The following ARHGEF3 variants were observed in gnomAD, a reference collection of about 807,000 sequenced individuals.
ARHGEF3 encodes the protein 59.8 kDA protein.
Under a neutral mutation model 63.2 loss-of-function variants are expected in ARHGEF3, and 28 were observed. The observed-to-expected ratio is 0.44, with a 90% CI of 0.33 to 0.61. ARHGEF3 has a LOEUF of 0.61. Among genes scored for constraint, ARHGEF3 ranks in the 20% least tolerant of loss-of-function variants. The pLI, the probability that ARHGEF3 is intolerant of heterozygous loss-of-function variation, is 0.03. For missense variants in ARHGEF3, 533 were observed against 659.3 expected (o/e 0.81, Z 2.10); for synonymous variants, 266 against 254.2 (o/e 1.05, Z -0.44).
chr3:56,931,341 C>T (rs1252870305), intron 3 of ARHGEF3, among the ~76,000 whole-genome samples: 1 of 151,868 alleles, frequency 6.6e-6, no homozygotes, highest in East Asian at 1.9e-4. Context: ...TTTGGGAGGC[C>T]GAGACAGGCA....
At chr3:56,933,310 A>G (rs2042460493) in intron 3 of ARHGEF3, among the ~76,000 whole-genome samples, 1 of 152,148 alleles carries the variant, frequency 6.6e-6, no homozygotes, top group Admixed American at 6.5e-5. Context: ...GCACATTTAC[A>G]CAAAGAGCAA....
chr3:57,063,107 C>T (rs151307784), intron 1 of ARHGEF3, among the ~76,000 whole-genome samples: 130 of 152,294 alleles, frequency 8.5e-4, no homozygotes, highest in African/African-American at 3.0e-3. Flanking sequence ...AGGGACCAAG[C>T]TCTGCAGATA....
intron 3 of ARHGEF3, among the ~76,000 whole-genome samples, chr3:56,955,679 T>G (rs1700014225): frequency 6.6e-6 from 1 of 152,236 alleles, no homozygotes; most frequent in Non-Finnish European, 1.5e-5. Flanking sequence ...TAGAACAGCA[T>G]GCACATCCTG....
rs2036141144 is a variant in ARHGEF3 at position 56,773,827 on chromosome 3, A to T, written c.97-11T>A. ...TTTATTACTAGGCTCCTATAGAGTT[A>T]AAAAAAAAAAAAAGTAAAATGTCAA... On this transcript the variant is annotated splice_polypyrimidine_tract_variant and intron_variant, in intron 1 of 9. Transcript: ENST00000296315. 2.7e-5 allele frequency: 7 copies of T among 263,962 alleles called. No individual in the cohort carries two copies. Among genetic ancestry groups the T allele is most frequent in the South Asian group, 1.1e-4 (1 of 9,262 alleles). 16.4% of individuals were successfully genotyped at this position (263,962 alleles called of 1,614,324 possible).
intron 4 of ARHGEF3, among the ~76,000 whole-genome samples, chr3:56,867,125 A>G (rs1447824220): frequency 6.6e-6 from 1 of 152,200 alleles, no homozygotes; most frequent in Non-Finnish European, 1.5e-5. Flanking sequence ...GGGAAGGCAA[A>G]TATGTATGTA....
intron 1 of ARHGEF3, among the ~76,000 whole-genome samples, chr3:57,038,291 G>C (rs79339616): frequency 1.1e-3 from 167 of 152,286 alleles, no homozygotes; most frequent in African/African-American, 3.9e-3. Context: ...ATCGGGTAAG[G>C]AATAGTGTCT....
chr3:56,793,822 T>C (rs1441019641), intron 1 of ARHGEF3, among the ~76,000 whole-genome samples: 1 of 152,236 alleles, frequency 6.6e-6, no homozygotes, highest in African/African-American at 2.4e-5. Flanking sequence ...ATGACAAAGA[T>C]GTTAATCTTT....
intron 7 of ARHGEF3, among the ~76,000 whole-genome samples, chr3:56,738,906 C>G (rs1257022446): frequency 6.6e-6 from 1 of 151,932 alleles, no homozygotes; most frequent in Admixed American, 6.6e-5. Context: ...GCCTGGCCAA[C>G]ATGGTGAACG....
intron 4 of ARHGEF3, among the ~76,000 whole-genome samples, chr3:56,853,510 T>C (rs1489373773): frequency 6.6e-6 from 1 of 152,120 alleles, no homozygotes; most frequent in Non-Finnish European, 1.5e-5. Flanking sequence ...CTAATTTTTG[T>C]ATTTTTAGTA....
intron 2 of ARHGEF3, among the ~76,000 whole-genome samples, chr3:56,971,035 G>C (rs995678745): frequency 6.6e-6 from 1 of 152,162 alleles, no homozygotes; most frequent in East Asian, 1.9e-4. Flanking sequence ...CTCTTCCAGG[G>C]AACCAGCTCT....
chr3:57,022,491 A>G (rs1004860968), intron 2 of ARHGEF3, among the ~76,000 whole-genome samples: 2 of 152,172 alleles, frequency 1.3e-5, no homozygotes, highest in Non-Finnish European at 2.9e-5. Flanking sequence ...AGAAGCATGA[A>G]TACATGCTGG....
At chr3:56,875,368 T>C (rs925116950) in intron 4 of ARHGEF3, among the ~76,000 whole-genome samples, 9 of 152,200 alleles carry the variant, frequency 5.9e-5, no homozygotes, top group Non-Finnish European at 1.0e-4. Flanking sequence ...ATACTGAGCA[T>C]CTCAGAAACA....
At chr3:56,770,830 A>G (rs2035966351) in intron 2 of ARHGEF3, among the ~76,000 whole-genome samples, 1 of 152,172 alleles carries the variant, frequency 6.6e-6, no homozygotes, top group African/African-American at 2.4e-5. Context: ...ATTTATCACA[A>G]TATTTGAAAA....
intron 4 of ARHGEF3, among the ~76,000 whole-genome samples, chr3:56,859,534 C>T (rs886355407): frequency 6.6e-6 from 1 of 150,712 alleles, no homozygotes; most frequent in Non-Finnish European, 1.5e-5. Context: ...CCTTGGTACA[C>T]CTTTTTTTTT....
intron 3 of ARHGEF3, among the ~76,000 whole-genome samples, chr3:56,953,570 C>T (rs779180864): frequency 6.6e-6 from 1 of 152,154 alleles, no homozygotes; most frequent in East Asian, 1.9e-4. Flanking sequence ...AGTTACAGAG[C>T]CCTGTCCACC....
intron 3 of ARHGEF3, among the ~76,000 whole-genome samples, chr3:56,943,457 T>C (rs1313004297): frequency 6.6e-6 from 1 of 152,206 alleles, no homozygotes; most frequent in Admixed American, 6.5e-5. Context: ...AAAAGATTAC[T>C]TTTAAAATAT....
At chr3:56,797,391 C>A (rs570416475) in intron 1 of ARHGEF3, among the ~76,000 whole-genome samples, 184 of 152,278 alleles carry the variant, frequency 1.2e-3, no homozygotes, top group African/African-American at 4.4e-3. Context: ...ATGACCATAA[C>A]CAGATCCTAT....
chr3:56,974,409 ACTAC>A (rs1166055135), intron 2 of ARHGEF3, among the ~76,000 whole-genome samples: 2 of 152,242 alleles, frequency 1.3e-5, no homozygotes, highest in Admixed American at 6.5e-5. Flanking sequence ...TTTCCCAGTT[ACTAC>A]CTCATTTGGC....
At chr3:56,824,762 T>C (rs1213028235) in intron 4 of ARHGEF3, among the ~76,000 whole-genome samples, 2 of 152,236 alleles carry the variant, frequency 1.3e-5, no homozygotes, top group Non-Finnish European at 2.9e-5. Context: ...CAGTCCACTT[T>C]AGCAATTGTT....
Sources: allele counts gnomAD v4.1 joint callset (sites outside exome capture counted in the v4.1 genomes callset), GRCh38; gene constraint gnomAD v4.1.1; transcripts MANE v1.5; gene names NCBI Gene and HGNC (gene_info 2026-07-23, HGNC 2026-07-21).